The following EFCAB11 variants were observed in gnomAD, a reference collection of about 807,000 sequenced individuals.
EFCAB11 encodes EF-hand calcium binding domain 11.
EFCAB11 carries 14 observed loss-of-function variants against 23.0 expected under a neutral mutation model. The observed-to-expected ratio is 0.61, with a 90% CI of 0.40 to 0.95. The LOEUF is 0.95. Among genes scored for constraint, EFCAB11 ranks in the 40% least tolerant of loss-of-function variants. The pLI is 0.00. For synonymous variants in EFCAB11, 65 were observed against 66.6 expected, an observed-to-expected ratio of 0.98 and a Z score of 0.11; for missense variants, 198 against 195.8, an observed-to-expected ratio of 1.01 and a Z score of -0.07.
chr14:89,811,106 G>A (rs925766173), intron 5 of EFCAB11, among the ~76,000 whole-genome samples: 5 of 151,898 alleles, frequency 3.3e-5, no homozygotes, highest in African/African-American at 9.7e-5. Flanking sequence ...GAGAGGTGCA[G>A]GTGGGGAAGA....
chr14:89,933,224 C>A (rs17126482), intron 3 of EFCAB11, among the ~76,000 whole-genome samples: 21,102 of 152,198 alleles, frequency 0.14, 1,672 homozygotes, highest in South Asian at 0.29. Flanking sequence ...CGACTCTCAT[C>A]ATAAAAGAGC....
At chr14:89,837,202 C>G (rs938734002) in intron 5 of EFCAB11, 3 of 444,690 alleles carry the variant, frequency 6.7e-6, no homozygotes, top group African/African-American at 2.0e-5. Flanking sequence ...AAGCCTTATA[C>G]TATTTATTCT....
intron 5 of EFCAB11, among the ~76,000 whole-genome samples, chr14:89,890,451 T>C (rs1329502989): frequency 6.6e-6 from 1 of 152,242 alleles, no homozygotes; most frequent in Admixed American, 6.5e-5. Flanking sequence ...CTATATCTCT[T>C]ACAAATAAGT....
intron 5 of EFCAB11, among the ~76,000 whole-genome samples, chr14:89,906,193 A>G (rs1889492883): frequency 6.6e-6 from 1 of 151,100 alleles, no homozygotes; most frequent in South Asian, 2.1e-4. Context: ...ATAAATAAAT[A>G]AATAAATAAA....
chr14:89,800,799 T>G (rs1323302890), intron 5 of EFCAB11, among the ~76,000 whole-genome samples: 2 of 151,984 alleles, frequency 1.3e-5, no homozygotes, highest in African/African-American at 4.8e-5. Flanking sequence ...TCCCAGCACT[T>G]TGGGAAGCTG....
intron 5 of EFCAB11, chr14:89,924,745 G>A: frequency 6.6e-7 from 1 of 1,513,164 alleles, no homozygotes; most frequent in South Asian, 1.2e-5. Context: ...AGAGGAAAAT[G>A]GAAAGCAAAG....
At chr14:89,891,422 A>G (rs534454152) in intron 5 of EFCAB11, among the ~76,000 whole-genome samples, 1 of 152,344 alleles carries the variant, frequency 6.6e-6, no homozygotes, top group South Asian at 2.1e-4. Context: ...CATTAAAATT[A>G]CTTAAGAGTT....
chr14:89,834,000 C>G (rs1886970177), intron 5 of EFCAB11, among the ~76,000 whole-genome samples: 1 of 152,090 alleles, frequency 6.6e-6, no homozygotes, highest in African/African-American at 2.4e-5. Flanking sequence ...TTTTTCCCCT[C>G]AGTGGACTCC....
chr14:89,947,524 A>G (rs1277970757), intron 3 of EFCAB11, among the ~76,000 whole-genome samples: 1 of 152,164 alleles, frequency 6.6e-6, no homozygotes, highest in East Asian at 1.9e-4. Context: ...TGCCCTCACC[A>G]CACTTTGAAA....
At chr14:89,889,543 A>C (rs1888897407) in intron 5 of EFCAB11, among the ~76,000 whole-genome samples, 1 of 152,240 alleles carries the variant, frequency 6.6e-6, no homozygotes, top group African/African-American at 2.4e-5. Context: ...AATTCTGCTT[A>C]CAAGCCTGGC....
chr14:89,825,854 TA>T (rs1374902905), intron 5 of EFCAB11, among the ~76,000 whole-genome samples: 5 of 152,026 alleles, frequency 3.3e-5, no homozygotes, highest in Non-Finnish European at 7.4e-5. Context: ...ATGCTTGTTA[TA>T]ATATTTTCTG....
intron 5 of EFCAB11, among the ~76,000 whole-genome samples, chr14:89,896,545 T>C (rs1889168103): frequency 1.3e-5 from 2 of 152,220 alleles, no homozygotes; most frequent in Admixed American, 6.5e-5. Context: ...CCTTACAACC[T>C]AGCAATTCCA....
intron 3 of EFCAB11, among the ~76,000 whole-genome samples, chr14:89,935,545 G>A (rs374468944): frequency 3.9e-5 from 6 of 151,904 alleles, no homozygotes; most frequent in African/African-American, 7.3e-5. Context: ...CCCAGTAGCC[G>A]GAACTAAAGG....
At chr14:89,874,252 G>T (rs530625754) in intron 5 of EFCAB11, among the ~76,000 whole-genome samples, 1 of 152,186 alleles carries the variant, frequency 6.6e-6, no homozygotes, top group Non-Finnish European at 1.5e-5. Flanking sequence ...CAGATGGGAT[G>T]CAGGGCACCA....
chr14:89,919,567 G>A (rs983565871), intron 5 of EFCAB11, among the ~76,000 whole-genome samples: 16 of 152,138 alleles, frequency 1.1e-4, no homozygotes, highest in Non-Finnish European at 2.2e-4. Context: ...TCTAGCCACC[G>A]GTAACCAGTC....
chr14:89,953,877 C>T (rs1261137854), intron 2 of EFCAB11, 29 bp downstream of exon 2: 1 of 1,585,806 alleles, frequency 6.3e-7, no homozygotes, highest in Non-Finnish European at 8.6e-7. Context: ...ATCGTCTACC[C>T]CATCCCCAAA....
intron 3 of EFCAB11, among the ~76,000 whole-genome samples, chr14:89,935,577 T>TA (rs1228814248): frequency 1.3e-5 from 2 of 152,050 alleles, no homozygotes; most frequent in African/African-American, 4.8e-5. Flanking sequence ...ATGCCAGGCT[T>TA]AAAATGTGTG....
rs527896403 is a variant in EFCAB11 at position 89,948,778 on chromosome 14, T to C, written c.217+1319A>G. Reference sequence around the variant, plus strand: ...TGTTCTCACTTATGGGATCTAAAAATCAAGACAATTTAATTCATGGACATA... The same window carrying C: ...TGTTCTCACTTATGGGATCTAAAAACCAAGACAATTTAATTCATGGACATA... On this transcript the variant is annotated intron_variant, in intron 3 of 5. Coordinates refer to ENST00000316738, the MANE Select transcript of EFCAB11 (RefSeq NM_145231.4). Among the ~76,000 whole-genome samples, 3 of 151,872 alleles carry C rather than the reference T, an allele frequency of 2.0e-5. No homozygotes were observed. The East Asian group carries it at 5.8e-4, about 29-fold the overall frequency.
chr14:89,928,611 C>T (rs1477371682), intron 5 of EFCAB11, among the ~76,000 whole-genome samples: 3 of 150,736 alleles, frequency 2.0e-5, no homozygotes, highest in Non-Finnish European at 3.0e-5. Flanking sequence ...TTAATGCCAA[C>T]TAAAATTCAG....
Sources: allele counts gnomAD v4.1 joint callset (sites outside exome capture counted in the v4.1 genomes callset), GRCh38; gene constraint gnomAD v4.1.1; transcripts MANE v1.5; gene names NCBI Gene and HGNC (gene_info 2026-07-23, HGNC 2026-07-21).